The following CTNND2 variants were observed in gnomAD, a reference collection of about 807,000 sequenced individuals.
CTNND2 encodes catenin delta 2, also known as catenin delta-2.
In CTNND2, 22 loss-of-function variants were observed where a neutral mutation model predicts 144.4. The ratio of observed to expected loss-of-function variants is 0.15; its 90% CI spans 0.11 to 0.22. The LOEUF is 0.22. Ranked by LOEUF, CTNND2 falls within the 10% of genes least tolerant of loss-of-function variation. The pLI, the probability that CTNND2 is intolerant of heterozygous loss-of-function variation, is 1.00. For missense variants in CTNND2, 1,353 were observed against 1,618.8 expected, an observed-to-expected ratio of 0.84 and a Z score of 2.82; for synonymous variants, 751 against 695.6, an observed-to-expected ratio of 1.08 and a Z score of -1.25.
chr5:11,047,095 A>C (rs940873361), intron 16 of CTNND2, among the ~76,000 whole-genome samples: 1 of 152,332 alleles, frequency 6.6e-6, no homozygotes, highest in Middle Eastern at 3.4e-3. Flanking sequence ...TAATGAGCTG[A>C]GTTTCATGAC....
At chr5:11,405,854 C>G (rs977891551) in intron 5 of CTNND2, among the ~76,000 whole-genome samples, 1 of 152,142 alleles carries the variant, frequency 6.6e-6, no homozygotes, top group Admixed American at 6.5e-5. Flanking sequence ...TGACAAACCT[C>G]TGGAAAGAAC....
chr5:11,010,234 G>C (rs1456353193), intron 18 of CTNND2, among the ~76,000 whole-genome samples: 1 of 152,108 alleles, frequency 6.6e-6, no homozygotes, highest in African/African-American at 2.4e-5. Context: ...TAAAATGACA[G>C]CTCTACATTT....
intron 15 of CTNND2, among the ~76,000 whole-genome samples, chr5:11,088,977 A>G (rs1160519879): frequency 6.6e-6 from 1 of 152,198 alleles, no homozygotes; most frequent in East Asian, 1.9e-4. Flanking sequence ...GAAGGGACAT[A>G]GAGCTGTGAT....
chr5:11,551,134 G>C (rs934744819), intron 3 of CTNND2, among the ~76,000 whole-genome samples: 2 of 152,140 alleles, frequency 1.3e-5, no homozygotes, highest in African/African-American at 2.4e-5. Context: ...GTCTCTAGCT[G>C]GATGTGCAGT....
intron 3 of CTNND2, among the ~76,000 whole-genome samples, chr5:11,419,251 C>A (rs1285836261): frequency 6.6e-6 from 1 of 151,880 alleles, no homozygotes; most frequent in Non-Finnish European, 1.5e-5. Flanking sequence ...GTTATTATGA[C>A]AAAATGTTAA....
chr5:11,144,446 C>T (rs999690902), intron 12 of CTNND2, among the ~76,000 whole-genome samples: 1 of 152,124 alleles, frequency 6.6e-6, no homozygotes, highest in African/African-American at 2.4e-5. Context: ...GCTACCCGAC[C>T]AGAGCCTGGT....
intron 2 of CTNND2, among the ~76,000 whole-genome samples, chr5:11,615,522 C>T (rs575346824): frequency 3.7e-4 from 56 of 152,146 alleles, no homozygotes; most frequent in Middle Eastern, 3.4e-3. Context: ...ATCTTAGAAA[C>T]ACAAATAAAA....
chr5:11,536,636 A>G (rs774288739), intron 3 of CTNND2, among the ~76,000 whole-genome samples: 40 of 152,184 alleles, frequency 2.6e-4, no homozygotes, highest in Admixed American at 3.9e-4. Context: ...TGGAAAACCA[A>G]ACATTGTATG....
intron 3 of CTNND2, among the ~76,000 whole-genome samples, chr5:11,525,057 G>A (rs78640423): frequency 0.065 from 9,949 of 152,184 alleles, 1,117 homozygotes; most frequent in African/African-American, 0.23. Context: ...GAAGCCGAAA[G>A]TCATTTTTGT....
intron 18 of CTNND2, among the ~76,000 whole-genome samples, chr5:10,994,736 A>G (rs1739159359): frequency 6.6e-6 from 1 of 152,140 alleles, no homozygotes; most frequent in African/African-American, 2.4e-5. Flanking sequence ...GCAGGGGGCC[A>G]GGAAGACAGG....
At chr5:11,714,189 T>C (rs1178815815) in intron 2 of CTNND2, among the ~76,000 whole-genome samples, 1 of 152,144 alleles carries the variant, frequency 6.6e-6, no homozygotes, top group African/African-American at 2.4e-5. Context: ...GAGCTAACAT[T>C]GGTAGAAAAT....
intron 3 of CTNND2, among the ~76,000 whole-genome samples, chr5:11,499,041 G>T (rs1321476722): frequency 6.6e-6 from 1 of 152,098 alleles, no homozygotes; most frequent in Non-Finnish European, 1.5e-5. Flanking sequence ...TTAAAAATAG[G>T]ACAATTAAAT....
chr5:11,261,668 GAT>G (rs1177751904), intron 9 of CTNND2, among the ~76,000 whole-genome samples: 1 of 152,212 alleles, frequency 6.6e-6, no homozygotes, highest in Non-Finnish European at 1.5e-5. Flanking sequence ...CCCCAAGATG[GAT>G]ATAGGGGATC....
chr5:11,227,439 C>T (rs1325078199), intron 10 of CTNND2, among the ~76,000 whole-genome samples: 1 of 152,128 alleles, frequency 6.6e-6, no homozygotes, highest in Non-Finnish European at 1.5e-5. Context: ...GTGGTATCCT[C>T]TCTACTGATA....
At chr5:11,576,988 G>A (rs1010258464) in intron 2 of CTNND2, among the ~76,000 whole-genome samples, 5 of 152,206 alleles carry the variant, frequency 3.3e-5, no homozygotes, top group Middle Eastern at 3.4e-3. Flanking sequence ...CCACAGTGTC[G>A]GAGTTTTCTA....
intron 1 of CTNND2, among the ~76,000 whole-genome samples, chr5:11,833,348 T>C (rs1027223363): frequency 1.5e-4 from 23 of 152,116 alleles, no homozygotes; most frequent in African/African-American, 5.3e-4. Flanking sequence ...AATTCCATTA[T>C]GCTGAGTGAA....
chr5:11,348,610 A>G (rs886650798), intron 8 of CTNND2, among the ~76,000 whole-genome samples: 3 of 152,170 alleles, frequency 2.0e-5, no homozygotes, highest in Non-Finnish European at 4.4e-5. Flanking sequence ...TGTATTCAAT[A>G]CAATGATTAA....
chr5:10,983,988 T>C (rs1022066201), intron 20 of CTNND2, among the ~76,000 whole-genome samples: 12 of 152,096 alleles, frequency 7.9e-5, no homozygotes, highest in African/African-American at 2.9e-4. Flanking sequence ...TTTGCTGATC[T>C]TTCTCCCTGG....
intron 3 of CTNND2, among the ~76,000 whole-genome samples, chr5:11,483,340 C>G (rs961135977): frequency 6.6e-6 from 1 of 152,258 alleles, no homozygotes; most frequent in South Asian, 2.1e-4. Context: ...GTTGAAAGTT[C>G]ACTCTTGGCT....
Sources: gnomAD v4.1 joint callset for allele counts (sites outside exome capture counted in the v4.1 genomes callset) on GRCh38, gnomAD v4.1.1 for gene constraint, MANE v1.5 for transcripts, NCBI Gene and HGNC (gene_info 2026-07-23, HGNC 2026-07-21) for gene names.